Variants in KIAA1549L observed in about 807,000 individuals in gnomAD.
The protein encoded by KIAA1549L is UPF0606 protein KIAA1549L.
A neutral mutation model predicts 160.7 loss-of-function variants in KIAA1549L; 88 were observed. That is an observed-to-expected ratio of 0.55 (90% CI 0.46 to 0.65). The LOEUF (loss-of-function observed/expected upper bound fraction) is 0.65, where lower values mean the gene tolerates loss of function less well. Ranked by LOEUF, KIAA1549L falls within the 30% of genes least tolerant of loss-of-function variation. The pLI, the probability that KIAA1549L is intolerant of heterozygous loss-of-function variation, is 0.00. For synonymous variants in KIAA1549L, 950 were observed against 976.7 expected (o/e 0.97, Z 0.51); for missense variants, 2,258 against 2,437.5 (o/e 0.93, Z 1.55).
intron 1 of KIAA1549L, among the ~76,000 whole-genome samples, chr11:33,418,500 G>T (rs998998176): frequency 6.6e-6 from 1 of 152,168 alleles, no homozygotes; most frequent in East Asian, 1.9e-4. Context: ...TGTGAAGCAG[G>T]TTCACTGCAC....
At chr11:33,638,145 T>A (rs925555846) in intron 16 of KIAA1549L, among the ~76,000 whole-genome samples, 3 of 152,200 alleles carry the variant, frequency 2.0e-5, no homozygotes, top group African/African-American at 7.2e-5. Context: ...TACAGGTTGT[T>A]AGTACACAAT....
At chr11:33,484,728 G>A (rs183839050) in intron 1 of KIAA1549L, among the ~76,000 whole-genome samples, 1 of 152,180 alleles carries the variant, frequency 6.6e-6, no homozygotes, top group Admixed American at 6.5e-5. Flanking sequence ...CCATGGTTGT[G>A]TATGTTCTCC....
intron 9 of KIAA1549L, among the ~76,000 whole-genome samples, chr11:33,569,426 G>A (rs1177200568): frequency 6.6e-6 from 1 of 152,232 alleles, no homozygotes; most frequent in Non-Finnish European, 1.5e-5. Flanking sequence ...CCCCTGGCAT[G>A]TGAACCCCTG....
At chr11:33,644,727 G>T (rs999154656) in intron 16 of KIAA1549L, among the ~76,000 whole-genome samples, 5 of 152,186 alleles carry the variant, frequency 3.3e-5, no homozygotes, top group African/African-American at 1.2e-4. Flanking sequence ...ACCTTTATGG[G>T]GTCTAGCTAT....
chr11:33,393,174 T>C (rs1306668579), intron 1 of KIAA1549L, among the ~76,000 whole-genome samples: 1 of 152,204 alleles, frequency 6.6e-6, no homozygotes, highest in Admixed American at 6.5e-5. Flanking sequence ...GGCTTGCAGT[T>C]TCCCCAGAGC....
intron 16 of KIAA1549L, among the ~76,000 whole-genome samples, chr11:33,638,367 T>G (rs964976449): frequency 6.6e-6 from 1 of 151,998 alleles, no homozygotes; most frequent in Non-Finnish European, 1.5e-5. Context: ...TACTCTTTTG[T>G]GTCTGACTTC....
intron 1 of KIAA1549L, among the ~76,000 whole-genome samples, chr11:33,463,436 C>T (rs1433844639): frequency 6.6e-6 from 1 of 151,550 alleles, no homozygotes; most frequent in African/African-American, 2.4e-5. Context: ...GTTATGACGA[C>T]CACCAGTTGA....
At chr11:33,581,450 CA>C (rs1468323691) in intron 10 of KIAA1549L, among the ~76,000 whole-genome samples, 5 of 151,712 alleles carry the variant, frequency 3.3e-5, no homozygotes, top group African/African-American at 1.2e-4. Flanking sequence ...TGCACATAAG[CA>C]CACACTTCTA....
chr11:33,391,316 A>G (rs1480678619), intron 1 of KIAA1549L, among the ~76,000 whole-genome samples: 2 of 152,178 alleles, frequency 1.3e-5, no homozygotes, highest in African/African-American at 2.4e-5. Context: ...CTTTGCTTCC[A>G]GATGTCAGCA....
chr11:33,645,892 C>T lies in KIAA1549L; in HGVS notation c.5616C>T (p.His1872=). 6.2e-7 allele frequency: 1 copy of T among 1,613,720 alleles called. No individual in the cohort carries two copies. The highest frequency in any genetic ancestry group is 8.5e-7 in the Non-Finnish European group (1 of 1,179,800). ...CGGGCCACGCAGGCCAGAGCCGGCA[C>T]CAAGAGGCCTACGGCTCAGCCCAGC... ...ASAGHAGQSR[H]QEAYGSAQHL... The change falls in exon 17 of 21, where the codon CAC becomes CAT. Residue 1872 remains histidine, a synonymous_variant. Coordinates refer to ENST00000658780, the MANE Select transcript of KIAA1549L (RefSeq NM_012194.3).
At chr11:33,393,588 A>C (rs778309116) in intron 1 of KIAA1549L, among the ~76,000 whole-genome samples, 24 of 152,250 alleles carry the variant, frequency 1.6e-4, no homozygotes, top group Admixed American at 3.3e-4. Flanking sequence ...TAGTGGGACA[A>C]CTTGCTTAGA....
rs376410178 is a variant in KIAA1549L at position 33,591,284 on chromosome 11, G to T, written c.4614G>T (p.Gly1538=). Residue 1538 remains glycine (G), a synonymous_variant, in exon 12 of 21, where the codon GGG becomes GGT. Coordinates refer to ENST00000658780, the MANE Select transcript of KIAA1549L (RefSeq NM_012194.3). ...CCAAGCAACACCTGGGCCAGCAAGG[G>T]GCAGATGAGGAGGTCATCCCTGTGA... ...DYAKQHLGQQ[G]ADEEVIPVTQ... 5.1e-5 allele frequency: 82 copies of T among 1,613,538 alleles called. No individual in the cohort carries two copies. The highest frequency in any genetic ancestry group is 6.9e-5 in the Non-Finnish European group (81 of 1,179,704).
intron 1 of KIAA1549L, among the ~76,000 whole-genome samples, chr11:33,487,402 C>CTTTTTTTTTTTTTTTT (rs112165825): frequency 1.2e-5 from 1 of 85,554 alleles, no homozygotes. Context: ...GTCTATTGTT[C>CTTTTTTTTTTTTTTTT]TTTTTTTTTT....
In KIAA1549L at chr11:33,614,568, A is replaced by C. The variant is rs769193782; in HGVS notation, c.5280-3965A>C. Among the ~76,000 whole-genome samples the C allele has an allele frequency of 4.8e-4, 7 of 14,648 alleles. 1 individual carries two copies. The highest frequency in any genetic ancestry group is 5.4e-3 in the South Asian group (2 of 370). The allele number at this position is 14,648 out of a possible 152,430, so 9.6% of individuals were successfully genotyped here. On this transcript the variant is annotated intron_variant, in intron 15 of 20. Coordinates refer to ENST00000658780, the MANE Select transcript of KIAA1549L (RefSeq NM_012194.3). Reference sequence around the variant, plus strand: ...TATATATATATATATATATATATATATATATATATATATATATTTTTTTTT... The same window carrying C: ...TATATATATATATATATATATATATCTATATATATATATATATTTTTTTTT...
At chr11:33,627,512 C>A (rs1451718832) in intron 16 of KIAA1549L, among the ~76,000 whole-genome samples, 2 of 151,994 alleles carry the variant, frequency 1.3e-5, no homozygotes, top group African/African-American at 2.4e-5. Context: ...AGGAATTTAT[C>A]CATTTCTTCT....
intron 1 of KIAA1549L, among the ~76,000 whole-genome samples, chr11:33,401,966 C>T (rs541086806): frequency 3.3e-5 from 5 of 152,342 alleles, no homozygotes; most frequent in Non-Finnish European, 7.4e-5. Flanking sequence ...ATAAGGGGCA[C>T]AGCTGTCCCT....
At chr11:33,612,779 C>A (rs890582742) in intron 15 of KIAA1549L, among the ~76,000 whole-genome samples, 17 of 152,002 alleles carry the variant, frequency 1.1e-4, no homozygotes, top group Non-Finnish European at 4.4e-5. Flanking sequence ...TGAAGTATAC[C>A]CCAGTGTCGG....
chr11:33,596,042 G>A (rs955384060), intron 12 of KIAA1549L, among the ~76,000 whole-genome samples: 3 of 152,144 alleles, frequency 2.0e-5, no homozygotes, highest in Non-Finnish European at 4.4e-5. Context: ...GCACTTCAGT[G>A]TAGTGATTGG....
chr11:33,378,627 G>A (rs1163344753), intron 1 of KIAA1549L, among the ~76,000 whole-genome samples: 1 of 152,116 alleles, frequency 6.6e-6, no homozygotes, highest in African/African-American at 2.4e-5. Flanking sequence ...CATCTCATCC[G>A]AGCGACTCGT....
Sources: allele counts gnomAD v4.1 joint callset (sites outside exome capture counted in the v4.1 genomes callset), GRCh38; gene constraint gnomAD v4.1.1; transcripts MANE v1.5; gene names NCBI Gene and HGNC (gene_info 2026-07-23, HGNC 2026-07-21).